The following SPIRE1 variants were observed in gnomAD, a reference collection of about 807,000 sequenced individuals.
SPIRE1 encodes spire type actin nucleation factor 1.
In SPIRE1, 40 loss-of-function variants were observed where a neutral mutation model predicts 94.1. The observed-to-expected ratio is 0.43, with a 90% CI of 0.33 to 0.55. The LOEUF (loss-of-function observed/expected upper bound fraction) is 0.55, where lower values mean the gene tolerates loss of function less well. Ranked by LOEUF, SPIRE1 falls within the 20% of genes least tolerant of loss-of-function variation. The probability of loss-of-function intolerance (pLI) is 0.06; values close to 1 mark genes in which losing one functional copy is unlikely to be tolerated. For synonymous variants in SPIRE1, 376 were observed against 371.7 expected (o/e 1.01, Z -0.13); for missense variants, 838 against 975.2 (o/e 0.86, Z 1.87).
intron 2 of SPIRE1, among the ~76,000 whole-genome samples, chr18:12,574,413 T>C (rs899314440): frequency 6.6e-6 from 1 of 152,052 alleles, no homozygotes; most frequent in Non-Finnish European, 1.5e-5. Flanking sequence ...AGAAAGTCTT[T>C]AGGAGGTAGA....
At chr18:12,631,972 G>C (rs140544444) in intron 2 of SPIRE1, among the ~76,000 whole-genome samples, 2 of 152,056 alleles carry the variant, frequency 1.3e-5, no homozygotes, top group African/African-American at 4.8e-5. Flanking sequence ...TTGAACCTAG[G>C]AAGTTGAGGC....
At chr18:12,548,816 T>C (rs1270707917) in intron 2 of SPIRE1, among the ~76,000 whole-genome samples, 1 of 152,152 alleles carries the variant, frequency 6.6e-6, no homozygotes, top group Admixed American at 6.5e-5. Context: ...GGTTTCACCA[T>C]GTTGTCCAAG....
intron 4 of SPIRE1, among the ~76,000 whole-genome samples, chr18:12,513,181 T>C (rs866453436): frequency 6.6e-6 from 1 of 152,306 alleles, no homozygotes; most frequent in Middle Eastern, 3.4e-3. Context: ...TATATATTTA[T>C]CAAGTAATTT....
At position 12,607,596 on chromosome 18, in the gene SPIRE1, T is replaced by TACACACACAC. The variant is rs34187168; in HGVS notation, c.372+27456_372+27465dup. Among the ~76,000 whole-genome samples the TACACACACAC allele has an allele frequency of 5.3e-4, 77 of 146,336 alleles. 1 individual carries two copies. Among genetic ancestry groups the TACACACACAC allele is most frequent in the East Asian group, 1.8e-3 (9 of 5,010 alleles). The stretch of plus-strand genomic sequence containing the variant: ...TTTAGGGTTTTCTACTCCACAGCAC[T>TACACACACAC]ACACACACACACACACACACACACA... On this transcript the variant is annotated intron_variant, in intron 2 of 16. Transcript: ENST00000409402.
rs918998315 is a variant in SPIRE1, at chr18:12,526,955, G to A, written c.729+8521C>T. On this transcript the variant is annotated intron_variant, in intron 4 of 16. Coordinates refer to ENST00000409402, the MANE Select transcript of SPIRE1 (RefSeq NM_001128626.2). Reference sequence around the variant, plus strand: ...AATCTCTTGACATCGTGATCCACCCGCCTCACCCTCCCAAAGTGCTGGGAT... The same window carrying A: ...AATCTCTTGACATCGTGATCCACCCACCTCACCCTCCCAAAGTGCTGGGAT... Among the ~76,000 whole-genome samples the A allele has an allele frequency of 3.3e-5, 5 of 152,092 alleles. No homozygotes were observed. The East Asian group carries it at 7.7e-4, about 24-fold the overall frequency.
At chr18:12,478,519 G>C (rs965223260) in intron 10 of SPIRE1, among the ~76,000 whole-genome samples, 2 of 150,716 alleles carry the variant, frequency 1.3e-5, no homozygotes, top group African/African-American at 4.9e-5. Context: ...GTGTGTGTGT[G>C]TGCATGTGTG....
intron 16 of SPIRE1, 26 bp from the exon 17 acceptor site, chr18:12,449,922 C>T (rs1200779025): frequency 6.2e-7 from 1 of 1,608,268 alleles, no homozygotes; most frequent in Non-Finnish European, 8.5e-7. Flanking sequence ...AACAGAAGCC[C>T]AGCATTGTTA....
intron 10 of SPIRE1, among the ~76,000 whole-genome samples, chr18:12,478,650 G>A (rs775698430): frequency 3.3e-5 from 5 of 152,036 alleles, no homozygotes; most frequent in Non-Finnish European, 7.4e-5. Context: ...TAGGGTAGGT[G>A]TGTGTGTTTG....
intron 2 of SPIRE1, among the ~76,000 whole-genome samples, chr18:12,576,002 A>G (rs12957151): frequency 0.48 from 72,510 of 151,762 alleles, 18,047 homozygotes; most frequent in East Asian, 0.6. Flanking sequence ...TCAGGAGTTC[A>G]AGACCAGCCT....
upstream of SPIRE1, chr18:12,658,719 G>C: frequency 2.4e-6 from 1 of 417,056 alleles, no homozygotes; most frequent in Non-Finnish European, 5.1e-6. Context: ...GCCGCTCTGC[G>C]CGTTTTCCGA....
chr18:12,634,251 A>G (rs1365948322), intron 2 of SPIRE1, among the ~76,000 whole-genome samples: 17 of 63,964 alleles, frequency 2.7e-4, no homozygotes, highest in Non-Finnish European at 5.0e-4. Flanking sequence ...CCGTCTAAAA[A>G]TAAAAATAAA....
chr18:12,549,368 A>G (rs2035268470), intron 2 of SPIRE1, among the ~76,000 whole-genome samples: 1 of 149,896 alleles, frequency 6.7e-6, no homozygotes, highest in African/African-American at 2.5e-5. Flanking sequence ...ACATGATTGG[A>G]TGACTCTAAC....
At chr18:12,626,914 G>A (rs1327055387) in intron 2 of SPIRE1, among the ~76,000 whole-genome samples, 8 of 123,890 alleles carry the variant, frequency 6.5e-5, no homozygotes, top group African/African-American at 2.3e-4. Context: ...CCCAGAGGAT[G>A]ATCATTTTTA....
chr18:12,609,329 C>T (rs1297140335), intron 2 of SPIRE1, among the ~76,000 whole-genome samples: 2 of 152,112 alleles, frequency 1.3e-5, no homozygotes, highest in Non-Finnish European at 2.9e-5. Context: ...CTATCGAGAG[C>T]CAAGCTGTCC....
At chr18:12,606,152 C>T (rs1289126510) in intron 2 of SPIRE1, among the ~76,000 whole-genome samples, 1 of 152,062 alleles carries the variant, frequency 6.6e-6, no homozygotes, top group Non-Finnish European at 1.5e-5. Context: ...ATCCCTTGCC[C>T]CCCCTTTATT....
chr18:12,493,290 T>C, intron 7 of SPIRE1, 89 bp from the exon 8 acceptor site: 1 of 1,190,962 alleles, frequency 8.4e-7, no homozygotes, highest in Non-Finnish European at 1.2e-6. Context: ...ATAAATTACA[T>C]TTCATTGACT....
chr18:12,614,683 T>G (rs2037234383), intron 2 of SPIRE1, among the ~76,000 whole-genome samples: 1 of 151,460 alleles, frequency 6.6e-6, no homozygotes, highest in African/African-American at 2.4e-5. Context: ...CCGGGCACGG[T>G]CACGGGCGCC....
chr18:12,468,059 A>G (rs939919412), intron 10 of SPIRE1, among the ~76,000 whole-genome samples: 3 of 152,250 alleles, frequency 2.0e-5, no homozygotes, highest in African/African-American at 7.2e-5. Context: ...GGTGGAAACC[A>G]GTTAGAGTTA....
At chr18:12,613,257 A>T (rs1241153033) in intron 2 of SPIRE1, among the ~76,000 whole-genome samples, 3 of 152,170 alleles carry the variant, frequency 2.0e-5, no homozygotes, top group Admixed American at 6.5e-5. Flanking sequence ...TAGCAGGGTT[A>T]TTCTCATAAA....
Sources: allele counts gnomAD v4.1 joint callset (sites outside exome capture counted in the v4.1 genomes callset), GRCh38; gene constraint gnomAD v4.1.1; transcripts MANE v1.5; gene names NCBI Gene and HGNC (gene_info 2026-07-23, HGNC 2026-07-21).